Variants in THADA observed in about 807,000 individuals in gnomAD.
THADA encodes the protein tRNA (32-2'-O)-methyltransferase regulator THADA.
THADA carries 213 observed loss-of-function variants against 219.8 expected under a neutral mutation model. That is an observed-to-expected ratio of 0.97 (90% CI 0.87 to 1.09). THADA has a LOEUF of 1.09. Ranked by LOEUF, THADA falls within the 50% of genes least tolerant of loss-of-function variation. THADA has a pLI of 0.00. For synonymous variants in THADA, 1,018 were observed against 828.9 expected (o/e 1.23, Z -3.92); for missense variants, 2,956 against 2,311.3 (o/e 1.28, Z -5.72).
At chr2:43,429,987 G>A (rs1245368239) in intron 27 of THADA, among the ~76,000 whole-genome samples, 1 of 152,126 alleles carries the variant, frequency 6.6e-6, no homozygotes, top group East Asian at 1.9e-4. Flanking sequence ...TGGGAAACAT[G>A]ACGAAACCCC....
chr2:43,537,087 TA>T (rs918230838), intron 21 of THADA, among the ~76,000 whole-genome samples: 14 of 152,238 alleles, frequency 9.2e-5, no homozygotes, highest in African/African-American at 3.1e-4. Flanking sequence ...GTTAATGTTT[TA>T]AACTGTACCT....
rs550760548 is a variant in THADA at position 43,574,897 on chromosome 2, C to T, written c.1168G>A (p.Gly390Arg). The change falls in exon 11 of 38, where the codon GGG (glycine) becomes AGG (arginine). Residue 390 changes from glycine to arginine, a missense_variant. Gly to Arg is a moderately radical substitution (Grantham distance 125, BLOSUM62 -2). Transcript: ENST00000405975. ...DSLNGNSSIV[G>R]RLLEYVYTHW... Reference sequence around the variant, plus strand: ...GTATAGACATATTCCAAAAGTCTCCCAACTATACTTGAATTCCCATTCAGG... The same window carrying T: ...GTATAGACATATTCCAAAAGTCTCCTAACTATACTTGAATTCCCATTCAGG... The T allele has an allele frequency of 1.2e-6, 2 of 1,613,958 alleles. No individual in the cohort carries two copies. Among genetic ancestry groups the T allele is most frequent in the African/African-American group, 2.7e-5 (2 of 75,014 alleles).
chr2:43,400,457 T>TTATATATATATATATATACATATA (rs1553427507), intron 28 of THADA, among the ~76,000 whole-genome samples: 2 of 89,904 alleles, frequency 2.2e-5, no homozygotes. Context: ...ATAGACAAAT[T>TTATATATATATATATATACATATA]TATATATATA....
intron 21 of THADA, among the ~76,000 whole-genome samples, chr2:43,534,160 A>G (rs17031005): frequency 0.11 from 17,486 of 152,228 alleles, 1,167 homozygotes; most frequent in African/African-American, 0.18. Context: ...CCCTTTTATG[A>G]AGACAGATTT....
chr2:43,292,662 C>T (rs1387324039), intron 32 of THADA, among the ~76,000 whole-genome samples, 172 bp downstream of exon 32: 1 of 152,196 alleles, frequency 6.6e-6, no homozygotes, highest in Non-Finnish European at 1.5e-5. Context: ...CCAGGTATGA[C>T]GCCATGCCAA....
intron 29 of THADA, among the ~76,000 whole-genome samples, chr2:43,370,920 G>A (rs977728351): frequency 3.9e-5 from 6 of 152,162 alleles, no homozygotes; most frequent in African/African-American, 1.4e-4. Flanking sequence ...ATGTTTTCCA[G>A]TAATCTTCAC....
At chr2:43,487,580 T>A (rs1011919546) in intron 25 of THADA, among the ~76,000 whole-genome samples, 2 of 152,232 alleles carry the variant, frequency 1.3e-5, no homozygotes, top group African/African-American at 4.8e-5. Flanking sequence ...GGTCTGAATA[T>A]TTGTGTTCCC....
At chr2:43,276,582 G>T (rs932363908) in intron 36 of THADA, among the ~76,000 whole-genome samples, 7 of 152,132 alleles carry the variant, frequency 4.6e-5, no homozygotes, top group African/African-American at 1.4e-4. Flanking sequence ...TGCCCGTGGG[G>T]ACCGATAACT....
At chr2:43,432,617 A>T (rs1679513321) in intron 26 of THADA, among the ~76,000 whole-genome samples, 1 of 152,082 alleles carries the variant, frequency 6.6e-6, no homozygotes, top group Non-Finnish European at 1.5e-5. Context: ...AAATAATTAT[A>T]CCATTTTACA....
chr2:43,577,430 C>T (rs550366644), intron 9 of THADA, among the ~76,000 whole-genome samples, 188 bp from the exon 10 acceptor site: 1 of 151,412 alleles, frequency 6.6e-6, no homozygotes, highest in East Asian at 1.9e-4. Flanking sequence ...ACATCAAGTA[C>T]GAGAATGATT....
At chr2:43,445,725 G>C (rs1335171567) in intron 26 of THADA, among the ~76,000 whole-genome samples, 2 of 152,162 alleles carry the variant, frequency 1.3e-5, no homozygotes, top group Admixed American at 1.3e-4. Context: ...CAGGCTAAGA[G>C]TGCGGTAGCA....
At chr2:43,552,611 G>A (rs1558959067) in intron 17 of THADA, among the ~76,000 whole-genome samples, 1 of 151,926 alleles carries the variant, frequency 6.6e-6, no homozygotes, top group Non-Finnish European at 1.5e-5. Context: ...CAAACCCCAG[G>A]CTGATGTGGC....
chr2:43,533,107 G>C (rs1389167131), intron 21 of THADA, among the ~76,000 whole-genome samples: 1 of 152,166 alleles, frequency 6.6e-6, no homozygotes, highest in South Asian at 2.1e-4. Context: ...CTCAAAAGAA[G>C]ATATTTATGC....
intron 17 of THADA, among the ~76,000 whole-genome samples, chr2:43,554,750 GCACATA>G (rs1697149702): frequency 6.6e-6 from 1 of 152,128 alleles, no homozygotes; most frequent in Non-Finnish European, 1.5e-5. Flanking sequence ...AGTTCAAGAT[GCACATA>G]CTTTGTGACC....
chr2:43,447,060 T>C (rs565187989), intron 26 of THADA, among the ~76,000 whole-genome samples: 1 of 152,132 alleles, frequency 6.6e-6, no homozygotes, highest in Non-Finnish European at 1.5e-5. Context: ...TGACTCACAG[T>C]TCTGCATGGC....
In THADA at chr2:43,515,732, C is replaced by A. The variant is rs1040110853; in HGVS notation, c.3375-6952G>T. Among the ~76,000 whole-genome samples, 4 of 151,868 alleles carry A rather than the reference C, an allele frequency of 2.6e-5. 1 individual carries two copies. The highest frequency in any genetic ancestry group is 3.8e-4 in the East Asian group (2 of 5,198). ...AACAACTGTCCACCAGAATTGTATACCCCGTTAAAGTACATTCAAAAGCAT... is the reference window on the plus strand; with the variant it reads ...AACAACTGTCCACCAGAATTGTATAACCCGTTAAAGTACATTCAAAAGCAT... On this transcript the variant is annotated intron_variant, in intron 22 of 37. Coordinates refer to ENST00000405975, the MANE Select transcript of THADA (RefSeq NM_022065.5).
Position 43,231,572 on chromosome 2 carries a change from G to A in THADA, c.5467-229C>T, listed in dbSNP as rs568031724. ...CCACCAGAGAGGAATTTTTTCCCCAGACTTAACATGACCTTGGATAAAGAT... is the reference window on the plus strand; with the variant it reads ...CCACCAGAGAGGAATTTTTTCCCCAAACTTAACATGACCTTGGATAAAGAT... On this transcript the variant is annotated intron_variant, in intron 37 of 37. Transcript: ENST00000405975. Among the ~76,000 whole-genome samples the A allele has an allele frequency of 3.3e-5, 5 of 152,266 alleles. No homozygotes were observed. In the East Asian group the frequency reaches 9.6e-4, roughly 29 times the overall value.
At chr2:43,436,489 A>G (rs1573638258) in intron 26 of THADA, among the ~76,000 whole-genome samples, 1 of 152,076 alleles carries the variant, frequency 6.6e-6, no homozygotes, top group Admixed American at 6.6e-5. Flanking sequence ...TTTCCCCTTA[A>G]CCTTACTGAG....
intron 36 of THADA, among the ~76,000 whole-genome samples, chr2:43,263,437 C>T (rs986473926): frequency 1.3e-5 from 2 of 152,040 alleles, no homozygotes; most frequent in African/African-American, 2.4e-5. Context: ...AAAAGAACCC[C>T]GTGAGAAGAA....
Sources: allele counts gnomAD v4.1 joint callset (sites outside exome capture counted in the v4.1 genomes callset), GRCh38; gene constraint gnomAD v4.1.1; transcripts MANE v1.5; gene names NCBI Gene and HGNC (gene_info 2026-07-23, HGNC 2026-07-21).